BHMT: variants seen among roughly 807,000 people sequenced by gnomAD.
BHMT encodes the protein betaine--homocysteine S-methyltransferase 1.
In BHMT, 38 loss-of-function variants were observed where a neutral mutation model predicts 49.5. The observed-to-expected ratio is 0.77, with a 90% CI of 0.59 to 1.01. The LOEUF (loss-of-function observed/expected upper bound fraction) is 1.01. BHMT is among the 50% of genes least tolerant of loss of function. BHMT has a pLI of 0.00. For synonymous variants in BHMT, 166 were observed against 176.3 expected, an observed-to-expected ratio of 0.94 and a Z score of 0.46; for missense variants, 426 against 495.7, an observed-to-expected ratio of 0.86 and a Z score of 1.34.
intron 6 of BHMT, 168 bp downstream of exon 6, chr5:79,126,396 G>C (rs1309507948): frequency 2.9e-6 from 2 of 680,142 alleles, no homozygotes; most frequent in Non-Finnish European, 4.8e-6. Flanking sequence ...CTTCGTATTA[G>C]AGAAGAGCAG....
At chr5:79,122,181 T>G (rs935281175) in intron 5 of BHMT, among the ~76,000 whole-genome samples, 5 of 152,068 alleles carry the variant, frequency 3.3e-5, no homozygotes, top group African/African-American at 1.2e-4. Context: ...GACCTCGTGA[T>G]CCACCCGCCT....
chr5:79,122,315 G>A (rs183176817), intron 5 of BHMT, among the ~76,000 whole-genome samples: 3 of 152,210 alleles, frequency 2.0e-5, no homozygotes, highest in South Asian at 2.1e-4. Context: ...CTCCAAGAAG[G>A]TGATGTGGTG....
chr5:79,128,237 T>A, intron 7 of BHMT: 1 of 478,052 alleles, frequency 2.1e-6, no homozygotes, highest in Non-Finnish European at 3.6e-6. Context: ...TTTTTAAATA[T>A]AGGCTGGGTG....
At chr5:79,111,981 T>G in intron 1 of BHMT, 63 bp downstream of exon 1, 1 of 1,480,436 alleles carries the variant, frequency 6.8e-7, no homozygotes. Flanking sequence ...TATCCCAGCC[T>G]CTGGGAGCGC....
chr5:79,117,927 G>C (rs1306597272), intron 2 of BHMT, among the ~76,000 whole-genome samples: 2 of 151,834 alleles, frequency 1.3e-5, no homozygotes, highest in Non-Finnish European at 2.9e-5. Context: ...TCTTACAATG[G>C]CAGTTTTTGA....
rs1416217824 is a variant in BHMT, at chr5:79,131,721, A to G, written c.*605A>G. 1.3e-5 allele frequency: 2 copies of G among 152,200 alleles called. No homozygotes were observed. The highest frequency in any genetic ancestry group is 1.3e-4 in the Admixed American group (2 of 15,274). 9.4% of individuals were successfully genotyped at this position (152,200 alleles called of 1,614,324 possible). A position where few individuals can be genotyped will look rare whatever the true frequency, so the allele number is the denominator to read the frequency against. On this transcript the variant is annotated 3_prime_UTR_variant, in exon 8 of 8. Coordinates refer to ENST00000274353, the MANE Select transcript of BHMT (RefSeq NM_001713.3). Reference sequence around the variant, plus strand: ...TTTTATGACCCACTACTGGGTTTGGATCCACAGTTTGAAAAATATTGCTAC... The same window carrying G: ...TTTTATGACCCACTACTGGGTTTGGGTCCACAGTTTGAAAAATATTGCTAC...
In BHMT at chr5:79,131,132, T is replaced by C. The variant is rs746622850; in HGVS notation, c.*16T>C. 2.5e-6 allele frequency: 4 copies of C among 1,598,734 alleles called. No homozygotes were observed. The Admixed American group carries it at 7.0e-5, about 28-fold the overall frequency. Reference sequence around the variant, plus strand: ...ATCACAGTAGCCTCGATAGAAGCTATTTTTGATGAATTTCTAGGTGTTTGG... The same window carrying C: ...ATCACAGTAGCCTCGATAGAAGCTACTTTTGATGAATTTCTAGGTGTTTGG... On this transcript the variant is annotated 3_prime_UTR_variant, in exon 8 of 8. Coordinates refer to ENST00000274353, the MANE Select transcript of BHMT (RefSeq NM_001713.3).
chr5:79,131,207 A>G lies in BHMT; in HGVS notation c.*91A>G, dbSNP rs1010586532. 2.4e-6 allele frequency: 3 copies of G among 1,238,342 alleles called. No individual in the cohort carries two copies. In the African/African-American group the frequency reaches 4.5e-5, roughly 19 times the overall value. 76.7% of individuals were successfully genotyped at this position (1,238,342 alleles called of 1,614,324 possible). ...AAGGGGGTTAAAAAGCAGTGCTTTCATGAATGCCATCCTACACATATTATT... is the reference window on the plus strand; with the variant it reads ...AAGGGGGTTAAAAAGCAGTGCTTTCGTGAATGCCATCCTACACATATTATT... On this transcript the variant is annotated 3_prime_UTR_variant, in exon 8 of 8. Transcript: ENST00000274353.
chr5:79,130,861 T>C (rs1756625436), intron 7 of BHMT, 72 bp from the exon 8 acceptor site: 3 of 1,268,876 alleles, frequency 2.4e-6, no homozygotes, highest in Non-Finnish European at 3.1e-6. Flanking sequence ...AATTTTTAAA[T>C]GGTTCCATGA....
At position 79,121,300 on chromosome 5, in the gene BHMT, T is replaced by G. The variant is rs542592055; in HGVS notation, c.560T>G (p.Ile187Ser). 159 of 1,614,092 alleles carry G rather than the reference T, an allele frequency of 9.9e-5. No homozygotes were observed. The highest frequency in any genetic ancestry group is 1.3e-4 in the Non-Finnish European group (151 of 1,180,032). ...AAACCTGTGGCAGCAACCATGTGCA[T>G]TGGCCCAGAAGGAGATTTGCATGGC... ...SGKPVAATMC[I>S]GPEGDLHGVP... Residue 187 changes from isoleucine (I) to serine (S), a missense_variant, in exon 5 of 8, where the codon ATT becomes AGT. By Grantham distance (142) the Ile-to-Ser change is moderately radical (BLOSUM62 -2). This residue lies in a region of BHMT where 321 missense variants were observed against 355.9 expected (regional missense o/e 0.90). Transcript: ENST00000274353.
At chr5:79,122,715 T>A (rs1360812908) in intron 5 of BHMT, among the ~76,000 whole-genome samples, 1 of 151,106 alleles carries the variant, frequency 6.6e-6, no homozygotes, top group Non-Finnish European at 1.5e-5. Context: ...TATATATATA[T>A]AAAATATATA....
At chr5:79,122,236 C>T (rs1387568796) in intron 5 of BHMT, among the ~76,000 whole-genome samples, 1 of 152,094 alleles carries the variant, frequency 6.6e-6, no homozygotes, top group Non-Finnish European at 1.5e-5. Flanking sequence ...CCATTGCGCC[C>T]GGCCTTAGGC....
rs111284349 is a variant in BHMT, at chr5:79,122,273, A to G, written c.625+908A>G. Among the ~76,000 whole-genome samples the G allele has an allele frequency of 7.2e-3, 1,099 of 152,234 alleles. 13 individuals are homozygous for G. The highest frequency in any genetic ancestry group is 0.025 in the African/African-American group (1,044 of 41,534). On this transcript the variant is annotated intron_variant, in intron 5 of 7. Coordinates refer to ENST00000274353, the MANE Select transcript of BHMT (RefSeq NM_001713.3). ...GATATCTTTACTGTGGAACTTATCA[A>G]TATCTTTGATATGTTCACATATATT...
intron 2 of BHMT, among the ~76,000 whole-genome samples, chr5:79,118,292 C>T (rs543121091): frequency 2.0e-5 from 3 of 152,216 alleles, no homozygotes; most frequent in Admixed American, 6.5e-5. Flanking sequence ...ATGGCGAAAC[C>T]CTGCCTCTAC....
rs1756549621 is a variant in BHMT at position 79,126,167 on chromosome 5, G to A, written c.747G>A (p.Leu249=). The change falls in exon 6 of 8, where the codon TTG becomes TTA. Residue 249 remains leucine, a synonymous_variant. Transcript: ENST00000274353. ...AAGCTCACCTGATGAGCCAGCCCTT[G>A]GCTTACCACACTCCTGACTGCAACA... ...RLKAHLMSQP[L]AYHTPDCNKQ... is the part of the protein sequence containing the mutation. The A allele has an allele frequency of 1.2e-6, 2 of 1,613,766 alleles. No individual in the cohort carries two copies. Among genetic ancestry groups the A allele is most frequent in the Non-Finnish European group, 1.7e-6 (2 of 1,179,704 alleles).
At chr5:79,115,057 G>T (rs571025285) in intron 1 of BHMT, among the ~76,000 whole-genome samples, 2 of 152,276 alleles carry the variant, frequency 1.3e-5, no homozygotes, top group African/African-American at 4.8e-5. Flanking sequence ...AGTACAGCAT[G>T]TGCACACTCA....
chr5:79,121,182 C>T (rs764396954), intron 4 of BHMT, 36 bp from the exon 5 acceptor site: 9 of 1,578,628 alleles, frequency 5.7e-6, no homozygotes, highest in Non-Finnish European at 7.7e-6. Flanking sequence ...TTGGGAGAAA[C>T]GAGATTAAAA....
At chr5:79,122,885 A>G (rs1163135969) in intron 5 of BHMT, among the ~76,000 whole-genome samples, 2 of 152,188 alleles carry the variant, frequency 1.3e-5, no homozygotes, top group African/African-American at 4.8e-5. Context: ...AGACCTGGAT[A>G]TAGATGGTAT....
chr5:79,116,026 T>C (rs906167690), intron 2 of BHMT, 127 bp downstream of exon 2: 2 of 1,227,688 alleles, frequency 1.6e-6, no homozygotes, highest in African/African-American at 3.1e-5. Flanking sequence ...AAGACCAGCC[T>C]GGGCACATAG....
Sources: gnomAD v4.1 joint callset for allele counts (sites outside exome capture counted in the v4.1 genomes callset) on GRCh38, gnomAD v4.1.1 for gene constraint, gnomAD v4.1.1 regional missense constraint, MANE v1.5 for transcripts, NCBI Gene and HGNC (gene_info 2026-07-23, HGNC 2026-07-21) for gene names.